The following TP63 variants were observed in gnomAD, a reference collection of about 807,000 sequenced individuals.
The protein encoded by TP63 is tumor protein 63.
TP63 carries 17 observed loss-of-function variants against 82.8 expected under a neutral mutation model. The ratio of observed to expected loss-of-function variants is 0.21; its 90% CI spans 0.14 to 0.31. The LOEUF is 0.31. Ranked by LOEUF, TP63 falls within the 10% of genes least tolerant of loss-of-function variation. The pLI is 1.00. For synonymous variants in TP63, 330 were observed against 321.7 expected, an observed-to-expected ratio of 1.03 and a Z score of -0.28; for missense variants, 648 against 895.3, an observed-to-expected ratio of 0.72 and a Z score of 3.52.
At chr3:189,726,007 A>T (rs1407309182) in intron 1 of TP63, among the ~76,000 whole-genome samples, 1 of 141,774 alleles carries the variant, frequency 7.1e-6, no homozygotes, top group African/African-American at 2.7e-5. Context: ...GTGAGCCGAG[A>T]TCATGCCATT....
chr3:189,869,347 A>G lies in TP63; in HGVS notation c.1153A>G (p.Ile385Val). The G allele has an allele frequency of 6.2e-7, 1 of 1,614,136 alleles. No homozygotes were observed. Among genetic ancestry groups the G allele is most frequent in the Middle Eastern group, 1.7e-4 (1 of 6,060 alleles). ...KRPFRQNTHGIQMTSIKKRRS... is the reference protein window; with the variant it reads ...KRPFRQNTHGVQMTSIKKRRS... ...AGCGTTTCGTCAGAACACACATGGT[A>G]TCCAGATGACATCCATCAAGAAACG... Residue 385 changes from isoleucine to valine, a missense_variant, in exon 9 of 14, where the codon ATC (isoleucine) becomes GTC (valine). Physicochemically the swap from Ile to Val is conservative, Grantham distance 29. Coordinates refer to ENST00000264731, the MANE Select transcript of TP63 (RefSeq NM_003722.5).
the TP63 span, among the ~76,000 whole-genome samples, chr3:189,617,275 A>G: frequency 1.1e-4 from 16 of 152,226 alleles, no homozygotes; most frequent in Non-Finnish European, 1.8e-4. Context: ...CAGCCCAGTT[A>G]TCTTCAGTCT....
rs548653866 is a variant in TP63, at chr3:189,751,258, T to C, written c.324+12484T>C. On this transcript the variant is annotated intron_variant, in intron 3 of 13. Transcript: ENST00000264731. Reference sequence around the variant, plus strand: ...GGTTGGTTCCAAGTCTTTGCTATTGTGAATAGTGCCGCAATAAACATACGT... The same window carrying C: ...GGTTGGTTCCAAGTCTTTGCTATTGCGAATAGTGCCGCAATAAACATACGT... 3.9e-5 allele frequency among the ~76,000 whole-genome samples: 6 copies of C among 152,330 alleles called. No homozygotes were observed. The South Asian group carries it at 6.2e-4, about 16-fold the overall frequency.
chr3:189,880,881 A>G (rs1199113897), intron 10 of TP63: 1 of 985,354 alleles, frequency 1.0e-6, no homozygotes, highest in African/African-American at 1.7e-5. Context: ...GTATGTTGGC[A>G]TCTGTTATGC....
intron 1 of TP63, among the ~76,000 whole-genome samples, chr3:189,699,816 G>T (rs2108737404): frequency 6.6e-6 from 1 of 152,256 alleles, no homozygotes; most frequent in East Asian, 1.9e-4. Context: ...AAAAGGAAAA[G>T]AAACTATTCT....
intron 1 of TP63, among the ~76,000 whole-genome samples, chr3:189,692,930 A>G (rs980816032): frequency 1.3e-5 from 2 of 152,192 alleles, no homozygotes; most frequent in African/African-American, 4.8e-5. Context: ...ATATGGTCTT[A>G]ATACCCGTAC....
At chr3:189,712,465 G>A (rs1260263318) in intron 1 of TP63, among the ~76,000 whole-genome samples, 1 of 152,148 alleles carries the variant, frequency 6.6e-6, no homozygotes, top group Non-Finnish European at 1.5e-5. Context: ...CAAGGCACTG[G>A]TGGATTCCGT....
At chr3:189,756,222 G>T (rs1314523083) in intron 3 of TP63, among the ~76,000 whole-genome samples, 1 of 152,070 alleles carries the variant, frequency 6.6e-6, no homozygotes, top group Admixed American at 6.6e-5. Context: ...TAGGCTTTGG[G>T]TATGAGTTCT....
chr3:189,880,202 G>A (rs1719758931), intron 10 of TP63: 1 of 1,608,346 alleles, frequency 6.2e-7, no homozygotes, highest in Non-Finnish European at 8.5e-7. Flanking sequence ...TATTTTAAGT[G>A]TGTGTGTTGT....
the TP63 span, among the ~76,000 whole-genome samples, chr3:189,621,962 C>T: frequency 1.3e-4 from 20 of 152,166 alleles, no homozygotes; most frequent in Non-Finnish European, 8.8e-5. Context: ...AAATTTACCT[C>T]GTAGAAACTT....
chr3:189,853,807 T>G (rs1351815776), intron 4 of TP63, among the ~76,000 whole-genome samples: 1 of 152,226 alleles, frequency 6.6e-6, no homozygotes, highest in Non-Finnish European at 1.5e-5. Flanking sequence ...TTGGTAATAG[T>G]ATATGCTCAA....
At chr3:189,890,971 T>A in intron 13 of TP63, 89 bp downstream of exon 13, 1 of 1,346,498 alleles carries the variant, frequency 7.4e-7, no homozygotes, top group Non-Finnish European at 1.0e-6. Flanking sequence ...CCTGATAGTT[T>A]AAAAATTTGT....
chr3:189,621,671 C>T, the TP63 span, among the ~76,000 whole-genome samples: 1 of 151,924 alleles, frequency 6.6e-6, no homozygotes. Flanking sequence ...TCTCATATTT[C>T]CCTCTCTATG....
intron 4 of TP63, among the ~76,000 whole-genome samples, chr3:189,845,477 A>G (rs1023362017): frequency 1.3e-5 from 2 of 152,196 alleles, no homozygotes; most frequent in African/African-American, 4.8e-5. Flanking sequence ...TACAGTTCCC[A>G]AAAATCTATC....
intron 1 of TP63, among the ~76,000 whole-genome samples, chr3:189,688,776 C>T (rs2108712991): frequency 6.6e-6 from 1 of 152,260 alleles, no homozygotes; most frequent in Non-Finnish European, 1.5e-5. Flanking sequence ...TGAAGAGGTC[C>T]TGGCAGGATT....
chr3:189,887,923 C>A (rs967452994), intron 11 of TP63, among the ~76,000 whole-genome samples: 2 of 147,938 alleles, frequency 1.4e-5, no homozygotes, highest in African/African-American at 5.0e-5. Context: ...ATGGCGCAAT[C>A]TCGGCTCACT....
chr3:189,804,488 A>G (rs1277634275), intron 3 of TP63, among the ~76,000 whole-genome samples: 5 of 152,216 alleles, frequency 3.3e-5, no homozygotes, highest in Non-Finnish European at 7.4e-5. Flanking sequence ...TGAGCACTAC[A>G]AATTGTACAA....
At chr3:189,643,611 T>C (rs13084874) in intron 1 of TP63, among the ~76,000 whole-genome samples, 67,768 of 152,000 alleles carry the variant, frequency 0.45, 15,682 homozygotes, top group East Asian at 0.51. Flanking sequence ...TTCCACTCTA[T>C]CAATGTGACT....
At chr3:189,773,626 T>G (rs566746732) in intron 3 of TP63, among the ~76,000 whole-genome samples, 5 of 152,188 alleles carry the variant, frequency 3.3e-5, no homozygotes, top group Admixed American at 6.5e-5. Flanking sequence ...ACTTTGCTCT[T>G]TAACATAGAC....
Sources: allele counts gnomAD v4.1 joint callset (sites outside exome capture counted in the v4.1 genomes callset), GRCh38; gene constraint gnomAD v4.1.1; transcripts MANE v1.5; gene names NCBI Gene and HGNC (gene_info 2026-07-23, HGNC 2026-07-21).